GMDS: variants seen among roughly 807,000 people sequenced by gnomAD.
GMDS encodes the protein GDP-mannose 4,6-dehydratase.
In GMDS, 20 loss-of-function variants were observed where a neutral mutation model predicts 49.9. That is an observed-to-expected ratio of 0.40 (90% CI 0.28 to 0.58). The LOEUF is 0.58. Among genes scored for constraint, GMDS ranks in the 20% least tolerant of loss-of-function variants. The probability of loss-of-function intolerance (pLI) is 0.42; values close to 1 mark genes in which losing one functional copy is unlikely to be tolerated. For missense variants in GMDS, 362 were observed against 481.4 expected (o/e 0.75, Z 2.32); for synonymous variants, 177 against 178.6 (o/e 0.99, Z 0.07).
chr6:1,660,729 C>A (rs1467176312), intron 9 of GMDS, among the ~76,000 whole-genome samples: 3 of 145,578 alleles, frequency 2.1e-5, no homozygotes, highest in East Asian at 2.0e-4. Context: ...TTATTAGTAT[C>A]TAGTATCTGA....
intron 7 of GMDS, among the ~76,000 whole-genome samples, chr6:1,896,258 C>T (rs946461066): frequency 6.6e-6 from 1 of 152,170 alleles, no homozygotes; most frequent in Non-Finnish European, 1.5e-5. Context: ...CCCCTAAAAA[C>T]TGTCGCCAGA....
At chr6:1,988,623 G>C (rs1278744144) in intron 4 of GMDS, among the ~76,000 whole-genome samples, 1 of 152,098 alleles carries the variant, frequency 6.6e-6, no homozygotes, top group Non-Finnish European at 1.5e-5. Flanking sequence ...CATGTCCTGT[G>C]TATTTAACAA....
intron 1 of GMDS, among the ~76,000 whole-genome samples, chr6:2,212,236 C>CAA (rs1368117851): frequency 1.3e-5 from 2 of 152,160 alleles, no homozygotes; most frequent in Non-Finnish European, 1.5e-5. Flanking sequence ...TCAACTAACT[C>CAA]CTGCAGTGGC....
chr6:1,643,244 G>T (rs1018632831), intron 9 of GMDS, among the ~76,000 whole-genome samples: 5 of 152,238 alleles, frequency 3.3e-5, no homozygotes, highest in Non-Finnish European at 7.3e-5. Flanking sequence ...CCAGACAAGT[G>T]TGGGGGGCAG....
intron 1 of GMDS, among the ~76,000 whole-genome samples, chr6:2,159,322 T>C (rs898512482): frequency 6.6e-6 from 1 of 152,120 alleles, no homozygotes; most frequent in Non-Finnish European, 1.5e-5. Flanking sequence ...TGGGCTCACA[T>C]GATCCGCCCA....
chr6:1,814,305 G>A (rs1478213110), intron 7 of GMDS, among the ~76,000 whole-genome samples: 2 of 152,136 alleles, frequency 1.3e-5, no homozygotes, highest in Admixed American at 6.6e-5. Flanking sequence ...AAAGGACCAC[G>A]GCTAGAACAG....
intron 4 of GMDS, among the ~76,000 whole-genome samples, chr6:2,081,098 ATG>A (rs1772665846): frequency 6.6e-6 from 1 of 152,174 alleles, no homozygotes. Context: ...TTGTTTTAAA[ATG>A]TGTTAGTAAA....
chr6:2,026,773 G>C (rs1470512757), intron 4 of GMDS, among the ~76,000 whole-genome samples: 3 of 152,194 alleles, frequency 2.0e-5, no homozygotes, highest in Non-Finnish European at 2.9e-5. Context: ...CCAGCTGCCA[G>C]AGCAATAGAG....
chr6:2,033,827 T>C (rs947706845), intron 4 of GMDS, among the ~76,000 whole-genome samples: 4 of 152,174 alleles, frequency 2.6e-5, no homozygotes, highest in African/African-American at 9.6e-5. Flanking sequence ...AGCTCTAAGA[T>C]GGAGGTGTTG....
chr6:1,922,843 C>T (rs1343307204), intron 7 of GMDS, among the ~76,000 whole-genome samples: 3 of 152,170 alleles, frequency 2.0e-5, no homozygotes, highest in African/African-American at 7.2e-5. Flanking sequence ...AAATAAAATC[C>T]TCCACTAATA....
chr6:1,681,261 G>A (rs1302978796), intron 9 of GMDS, among the ~76,000 whole-genome samples: 1 of 151,954 alleles, frequency 6.6e-6, no homozygotes, highest in East Asian at 1.9e-4. Context: ...CCACCCTGCC[G>A]CCAAGACACG....
At chr6:1,890,882 T>C (rs919192615) in intron 7 of GMDS, among the ~76,000 whole-genome samples, 5 of 152,226 alleles carry the variant, frequency 3.3e-5, no homozygotes, top group Non-Finnish European at 7.3e-5. Flanking sequence ...CCCAGCCGTG[T>C]CAATGTGAAC....
intron 6 of GMDS, chr6:1,951,743 G>C (rs1763352460): frequency 3.2e-6 from 1 of 317,394 alleles, no homozygotes; most frequent in Admixed American, 6.5e-5. Context: ...CCAACTTCTT[G>C]ATAACAGGCA....
At chr6:1,932,956 C>A (rs1441771132) in intron 6 of GMDS, among the ~76,000 whole-genome samples, 2 of 152,106 alleles carry the variant, frequency 1.3e-5, no homozygotes, top group Non-Finnish European at 1.5e-5. Context: ...TAGAAATGTA[C>A]AACCATCATC....
At chr6:1,719,176 C>T (rs920367975) in intron 9 of GMDS, among the ~76,000 whole-genome samples, 3 of 152,118 alleles carry the variant, frequency 2.0e-5, no homozygotes, top group Admixed American at 6.6e-5. Flanking sequence ...TAAGTTGGGA[C>T]GGAAGCCCGT....
chr6:1,893,520 C>T (rs1004935217), intron 7 of GMDS, among the ~76,000 whole-genome samples: 3 of 152,202 alleles, frequency 2.0e-5, no homozygotes, highest in African/African-American at 7.2e-5. Flanking sequence ...CTGCCGCAAC[C>T]TTCTCCATCC....
At chr6:1,759,203 G>A (rs565028917) in intron 7 of GMDS, among the ~76,000 whole-genome samples, 1 of 152,290 alleles carries the variant, frequency 6.6e-6, no homozygotes, top group East Asian at 1.9e-4. Flanking sequence ...TAAATAGCAT[G>A]GGGAAGGAAG....
intron 2 of GMDS, among the ~76,000 whole-genome samples, chr6:2,119,002 A>C (rs866495125): frequency 2.0e-5 from 3 of 152,190 alleles, no homozygotes; most frequent in Non-Finnish European, 2.9e-5. Context: ...ATACTTATAC[A>C]TAGCAAAACT....
chr6:1,962,197 C>A (rs906982593), intron 4 of GMDS, among the ~76,000 whole-genome samples: 2 of 152,134 alleles, frequency 1.3e-5, no homozygotes, highest in African/African-American at 2.4e-5. Flanking sequence ...ATTTTCATCA[C>A]CCCAAAAAGA....
Sources: allele counts gnomAD v4.1 joint callset (sites outside exome capture counted in the v4.1 genomes callset), GRCh38; gene constraint gnomAD v4.1.1; transcripts MANE v1.5; gene names NCBI Gene and HGNC (gene_info 2026-07-23, HGNC 2026-07-21).